The following CLTCL1 variants were observed in gnomAD, a reference collection of about 807,000 sequenced individuals.
CLTCL1 encodes the protein clathrin heavy chain like 1, also known as clathrin heavy chain 2.
In CLTCL1, 159 loss-of-function variants were observed where a neutral mutation model predicts 190.0. The ratio of observed to expected loss-of-function variants is 0.84; its 90% confidence interval spans 0.74 to 0.95. CLTCL1 has a LOEUF of 0.95. CLTCL1 is among the 40% of genes least tolerant of loss of function. The pLI, the probability that CLTCL1 is intolerant of heterozygous loss-of-function variation, is 0.00. For missense variants in CLTCL1, 1,878 were observed against 2,033.4 expected, an observed-to-expected ratio of 0.92 and a Z score of 1.47; for synonymous variants, 752 against 769.6, an observed-to-expected ratio of 0.98 and a Z score of 0.38.
intron 2 of CLTCL1, among the ~76,000 whole-genome samples, chr22:19,262,341 A>G (rs1555975961): frequency 2.0e-5 from 3 of 151,210 alleles, no homozygotes; most frequent in Non-Finnish European, 4.4e-5. Flanking sequence ...TCTTATTTTA[A>G]GAAATTGCCA....
intron 11 of CLTCL1, among the ~76,000 whole-genome samples, chr22:19,227,342 G>A (rs2085780075): frequency 6.7e-6 from 1 of 149,936 alleles, no homozygotes; most frequent in Admixed American, 6.7e-5. Flanking sequence ...GAGTGCAGTG[G>A]TGCAATCTCG....
intron 12 of CLTCL1, 103 bp from the exon 13 acceptor site, chr22:19,225,736 A>G: frequency 9.2e-7 from 1 of 1,091,644 alleles, no homozygotes; most frequent in Non-Finnish European, 1.3e-6. Flanking sequence ...AGTGTCAAAA[A>G]TACAGAGAAT....
Position 19,221,604 on chromosome 22 carries a change from G to A in CLTCL1, c.2569C>T (p.Leu857=), listed in dbSNP as rs1555952452. Residue 857 remains leucine (L), a synonymous_variant, in exon 17 of 33, where the codon CTG becomes TTG. Coordinates refer to ENST00000427926, the MANE Select transcript of CLTCL1 (RefSeq NM_007098.4). ...TGGGACTCCAGCCAGGGAAGCAGCA[G>A]CTTGAGCCTTTGAAAGAAGGAAGGT... ...AEVEKRNRLK[L]LLPWLESQIQ... is the part of the protein sequence containing the mutation. 6.3e-7 allele frequency: 1 copy of A among 1,582,520 alleles called. No homozygotes were observed. The highest frequency in any genetic ancestry group is 1.8e-5 in the Admixed American group (1 of 54,838).
Position 19,281,051 on chromosome 22 carries a change from G to A in CLTCL1, c.43-5221C>T, listed in dbSNP as rs1408408840. Among the ~76,000 whole-genome samples the A allele has an allele frequency of 4.6e-5, 7 of 151,952 alleles. No homozygotes were observed. In the East Asian group the frequency reaches 1.2e-3, roughly 25 times the overall value. The stretch of plus-strand genomic sequence containing the variant: ...CACACCTGTAATCCCAGCACTCTGG[G>A]AGGCCGAGGCGGGCAGATCACGAGG... On this transcript the variant is annotated intron_variant, in intron 1 of 32. Coordinates refer to ENST00000427926, the MANE Select transcript of CLTCL1 (RefSeq NM_007098.4).
intron 5 of CLTCL1, among the ~76,000 whole-genome samples, chr22:19,236,509 G>GA (rs1247891097): frequency 6.6e-6 from 1 of 152,044 alleles, no homozygotes; most frequent in Non-Finnish European, 1.5e-5. Context: ...GGGCTGGGGA[G>GA]AAAAAACAGA....
chr22:19,212,196 T>C (rs1555947162), intron 19 of CLTCL1, among the ~76,000 whole-genome samples: 1 of 152,138 alleles, frequency 6.6e-6, no homozygotes, highest in East Asian at 1.9e-4. Context: ...CTTGTACATA[T>C]AGACAAGCTA....
rs782145021 is a variant in CLTCL1 at position 19,242,876 on chromosome 22, T to G, written c.580A>C (p.Ile194Leu). The G allele has an allele frequency of 8.1e-6, 13 of 1,613,966 alleles. No homozygotes were observed. The South Asian group carries it at 1.4e-4, about 18-fold the overall frequency. Reference sequence around the variant, plus strand: ...GCAAAAGCCGCAGCATGGCCTTCTATGGGTTGTGAAACCTTCCTATCCACA... The same window carrying G: ...GCAAAAGCCGCAGCATGGCCTTCTAGGGGTTGTGAAACCTTCCTATCCACA... ...YSVDRKVSQPIEGHAAAFAEF... is the reference protein window; with the variant it reads ...YSVDRKVSQPLEGHAAAFAEF... Residue 194 changes from isoleucine to leucine, a missense_variant, in exon 4 of 33, where the codon ATA becomes CTA. Physicochemically the swap from Ile to Leu is conservative, Grantham distance 5. Transcript: ENST00000427926.
At chr22:19,252,869 C>G (rs1257279072) in intron 3 of CLTCL1, among the ~76,000 whole-genome samples, 1 of 152,034 alleles carries the variant, frequency 6.6e-6, no homozygotes, top group Non-Finnish European at 1.5e-5. Context: ...AAAAAATTAG[C>G]CAGGCATGGT....
At chr22:19,201,235 A>G (rs1555939014) in intron 23 of CLTCL1, 94 bp downstream of exon 23, 8 of 1,401,048 alleles carry the variant, frequency 5.7e-6, no homozygotes, top group Non-Finnish European at 7.7e-6. Context: ...TGGGCAAGAG[A>G]CCGGCACCCA....
chr22:19,217,227 A>AG (rs1490897299), intron 18 of CLTCL1, among the ~76,000 whole-genome samples: 2 of 152,200 alleles, frequency 1.3e-5, no homozygotes, highest in Non-Finnish European at 2.9e-5. Context: ...AGGAACCAAA[A>AG]GGGTATGCCT....
intron 3 of CLTCL1, among the ~76,000 whole-genome samples, chr22:19,250,572 T>A (rs1049044149): frequency 1.3e-5 from 2 of 151,326 alleles, no homozygotes; most frequent in East Asian, 2.0e-4. Context: ...AATTTTTTTT[T>A]AGACAAGGTC....
intron 1 of CLTCL1, among the ~76,000 whole-genome samples, chr22:19,277,170 C>T (rs989005428): frequency 6.6e-6 from 1 of 152,118 alleles, no homozygotes; most frequent in East Asian, 1.9e-4. Context: ...TAATTCAGGA[C>T]GGTGCCTTGT....
intron 22 of CLTCL1, among the ~76,000 whole-genome samples, chr22:19,206,139 T>C (rs1197982530): frequency 1.3e-5 from 2 of 152,202 alleles, no homozygotes; most frequent in Non-Finnish European, 2.9e-5. Flanking sequence ...TTGCCTGGGC[T>C]GGTCTTGAAC....
chr22:19,226,090 A>AT, intron 12 of CLTCL1, 129 bp downstream of exon 12: 1 of 1,048,680 alleles, frequency 9.5e-7, no homozygotes, highest in Non-Finnish European at 1.4e-6. Flanking sequence ...GTAGTAAAGT[A>AT]TGGTAGGTTA....
At chr22:19,224,598 T>C (rs1434681340) in intron 13 of CLTCL1, among the ~76,000 whole-genome samples, 2 of 152,102 alleles carry the variant, frequency 1.3e-5, no homozygotes, top group East Asian at 3.9e-4. Flanking sequence ...GTACGACACA[T>C]CTGAGAAGGC....
intron 18 of CLTCL1, 139 bp from the exon 19 acceptor site, chr22:19,216,395 A>G: frequency 1.4e-6 from 1 of 738,248 alleles, no homozygotes. Flanking sequence ...TAATGTAACA[A>G]AGGAAGGGTT....
chr22:19,207,406 T>C (rs1347767894), intron 22 of CLTCL1: 3 of 395,438 alleles, frequency 7.6e-6, no homozygotes, highest in Middle Eastern at 6.3e-4. Context: ...AACGCCTGGA[T>C]GTAAGTCTTC....
chr22:19,276,819 G>A lies in CLTCL1; in HGVS notation c.43-989C>T, dbSNP rs7289109. The stretch of plus-strand genomic sequence containing the variant: ...CAAGTAGCTGGGGCTTCAGGCGCCC[G>A]CCACCACGCCTGGCTATTTTTTGTA... On this transcript the variant is annotated intron_variant, in intron 1 of 32. Transcript: ENST00000427926. Among the ~76,000 whole-genome samples, 364 of 152,130 alleles carry A rather than the reference G, an allele frequency of 2.4e-3. 4 individuals carry two copies. Among genetic ancestry groups the A allele is most frequent in the African/African-American group, 8.4e-3 (349 of 41,520 alleles).
At chr22:19,191,100 C>G (rs1458424184) in intron 27 of CLTCL1, among the ~76,000 whole-genome samples, 1 of 152,176 alleles carries the variant, frequency 6.6e-6, no homozygotes, top group African/African-American at 2.4e-5. Context: ...TTTAAAAAAA[C>G]ACAGAATTTG....
Sources: allele counts gnomAD v4.1 joint callset (sites outside exome capture counted in the v4.1 genomes callset), GRCh38; gene constraint gnomAD v4.1.1; transcripts MANE v1.5; gene names NCBI Gene and HGNC (gene_info 2026-07-23, HGNC 2026-07-21).